GNAI3: variants seen among roughly 807,000 people sequenced by gnomAD.
GNAI3 encodes the protein guanine nucleotide-binding protein G(i) subunit alpha-3.
A neutral mutation model predicts 41.8 loss-of-function variants in GNAI3; 12 were observed. The observed-to-expected ratio is 0.29, with a 90% CI of 0.18 to 0.47. The LOEUF is 0.47. GNAI3 is among the 20% of genes least tolerant of loss of function. The pLI, the probability that GNAI3 is intolerant of heterozygous loss-of-function variation, is 1.00. For synonymous variants in GNAI3, 132 were observed against 146.5 expected, an observed-to-expected ratio of 0.90 and a Z score of 0.71; for missense variants, 360 against 429.6, an observed-to-expected ratio of 0.84 and a Z score of 1.43.
chr1:109,582,411 TA>T, intron 4 of GNAI3, 25 bp from the exon 5 acceptor site: 1 of 1,595,586 alleles, frequency 6.3e-7, no homozygotes, highest in Non-Finnish European at 8.6e-7. Context: ...CTTCACCAAG[TA>T]AAAGTAAACG....
intron 1 of GNAI3, among the ~76,000 whole-genome samples, chr1:109,558,876 G>C (rs966273897): frequency 6.6e-6 from 1 of 151,916 alleles, no homozygotes; most frequent in Non-Finnish European, 1.5e-5. Context: ...AGGGATGCAG[G>C]TCTTCATAAT....
intron 1 of GNAI3, among the ~76,000 whole-genome samples, chr1:109,561,119 A>G (rs538163750): frequency 4.6e-5 from 7 of 152,134 alleles, no homozygotes; most frequent in Non-Finnish European, 1.0e-4. Context: ...GGTATTGAAA[A>G]TAATTTGCTT....
intron 1 of GNAI3, among the ~76,000 whole-genome samples, chr1:109,556,254 G>A: frequency 6.6e-6 from 1 of 151,956 alleles, no homozygotes; most frequent in South Asian, 2.1e-4. Flanking sequence ...ATATTGCCCA[G>A]GCTGGCCTTG....
chr1:109,548,955 C>A, intron 1 of GNAI3, 117 bp downstream of exon 1: 1 of 639,702 alleles, frequency 1.6e-6, no homozygotes, highest in Non-Finnish European at 2.8e-6. Context: ...GGAGGGCGTG[C>A]CGGGCGTGGG....
intron 1 of GNAI3, among the ~76,000 whole-genome samples, chr1:109,561,611 G>C (rs1472390603): frequency 6.6e-6 from 1 of 152,134 alleles, no homozygotes; most frequent in East Asian, 1.9e-4. Context: ...TTCTAGCCTG[G>C]AGATAGAAAT....
At chr1:109,572,155 C>A (rs1326243075) in intron 1 of GNAI3, among the ~76,000 whole-genome samples, 1 of 151,730 alleles carries the variant, frequency 6.6e-6, no homozygotes, top group African/African-American at 2.4e-5. Context: ...ACTAAAAATA[C>A]AAAAATCAGC....
intron 1 of GNAI3, among the ~76,000 whole-genome samples, chr1:109,570,931 T>C (rs1429184244): frequency 6.6e-6 from 1 of 152,228 alleles, no homozygotes; most frequent in African/African-American, 2.4e-5. Flanking sequence ...CACTGAACTA[T>C]TTAGGAAGCT....
At chr1:109,566,203 G>A (rs543700969) in intron 1 of GNAI3, among the ~76,000 whole-genome samples, 61 of 152,328 alleles carry the variant, frequency 4.0e-4, no homozygotes, top group African/African-American at 1.4e-3. Context: ...GAGTTGAATA[G>A]GGGTTTTACG....
At chr1:109,569,477 T>C (rs922953752) in intron 1 of GNAI3, among the ~76,000 whole-genome samples, 8 of 152,134 alleles carry the variant, frequency 5.3e-5, no homozygotes, top group African/African-American at 1.4e-4. Context: ...GAACACCACA[T>C]GTGTTGTGGA....
At chr1:109,555,751 G>T (rs1360962784) in intron 1 of GNAI3, among the ~76,000 whole-genome samples, 1 of 152,122 alleles carries the variant, frequency 6.6e-6, no homozygotes, top group African/African-American at 2.4e-5. Context: ...AAATTGATTC[G>T]TAGTCTAGAG....
At chr1:109,590,725 G>A (rs1331005510) in intron 7 of GNAI3, among the ~76,000 whole-genome samples, 1 of 151,796 alleles carries the variant, frequency 6.6e-6, no homozygotes, top group Non-Finnish European at 1.5e-5. Context: ...ACCAGGCCTA[G>A]CTAATGATTT....
intron 7 of GNAI3, among the ~76,000 whole-genome samples, chr1:109,588,911 A>G (rs988123757): frequency 3.3e-5 from 5 of 152,116 alleles, no homozygotes; most frequent in East Asian, 1.9e-4. Context: ...CAATCAATCA[A>G]TCAATAAAGT....
intron 6 of GNAI3, 54 bp downstream of exon 6, chr1:109,586,399 A>G: frequency 6.6e-7 from 1 of 1,517,238 alleles, no homozygotes; most frequent in Non-Finnish European, 9.0e-7. Context: ...GAAATGGAAA[A>G]TAACTTATTA....
At chr1:109,553,601 T>G (rs1648062511) in intron 1 of GNAI3, among the ~76,000 whole-genome samples, 1 of 152,224 alleles carries the variant, frequency 6.6e-6, no homozygotes, top group African/African-American at 2.4e-5. Context: ...ATAAGGTTCA[T>G]GGCCAGTTAC....
In GNAI3 at chr1:109,595,313, A is replaced by G. The variant is rs1299207734; in HGVS notation, c.*2991A>G. ...CTAGCATGAAAATTCCAAAAACTTT[A>G]ACAATTACTCATAAGTGGATCTTGA... On this transcript the variant is annotated 3_prime_UTR_variant, in exon 9 of 9. Coordinates refer to ENST00000369851, the MANE Select transcript of GNAI3 (RefSeq NM_006496.4). The G allele has an allele frequency of 6.6e-6, 1 of 152,226 alleles. No individual in the cohort carries two copies. Among genetic ancestry groups the G allele is most frequent in the East Asian group, 1.9e-4 (1 of 5,204 alleles). The allele number at this position is 152,226 out of a possible 1,614,324, so 9.4% of individuals were successfully genotyped here.
At chr1:109,582,399 G>A (rs757055872) in intron 4 of GNAI3, 38 bp from the exon 5 acceptor site, 1 of 1,566,640 alleles carries the variant, frequency 6.4e-7, no homozygotes, top group East Asian at 2.2e-5. Context: ...GCACATGGTT[G>A]GCTTCACCAA....
intron 7 of GNAI3, among the ~76,000 whole-genome samples, chr1:109,587,642 G>T (rs6682956): frequency 6.6e-6 from 1 of 152,094 alleles, no homozygotes; most frequent in Admixed American, 6.5e-5. Flanking sequence ...GGGAAGAAGT[G>T]GTTGGAGAGA....
chr1:109,562,904 A>AT (rs2101093943), intron 1 of GNAI3, among the ~76,000 whole-genome samples: 1 of 152,256 alleles, frequency 6.6e-6, no homozygotes, highest in Non-Finnish European at 1.5e-5. Context: ...ATGAATCATT[A>AT]TTTTTATGGG....
chr1:109,576,111 C>T (rs993721299), intron 3 of GNAI3, among the ~76,000 whole-genome samples: 1 of 152,138 alleles, frequency 6.6e-6, no homozygotes, highest in Non-Finnish European at 1.5e-5. Flanking sequence ...TCTTGTCACC[C>T]AGGCTGGAGT....
Sources: gnomAD v4.1 joint callset for allele counts (sites outside exome capture counted in the v4.1 genomes callset) on GRCh38, gnomAD v4.1.1 for gene constraint, MANE v1.5 for transcripts, NCBI Gene and HGNC (gene_info 2026-07-23, HGNC 2026-07-21) for gene names.